The following SNX7 variants were observed in gnomAD, a reference collection of about 807,000 sequenced individuals.
The protein encoded by SNX7 is sorting nexin 7.
In SNX7, 35 loss-of-function variants were observed where a neutral mutation model predicts 48.4. That is an observed-to-expected ratio of 0.72 (90% CI 0.55 to 0.96). SNX7 has a LOEUF of 0.96. Ranked by LOEUF, SNX7 falls within the 40% of genes least tolerant of loss-of-function variation. The pLI is 0.00. For synonymous variants in SNX7, 190 were observed against 190.2 expected (o/e 1.00, Z 0.01); for missense variants, 553 against 548.9 (o/e 1.01, Z -0.07).
chr1:98,747,154 C>A (rs1276810214), intron 8 of SNX7, among the ~76,000 whole-genome samples: 1 of 152,056 alleles, frequency 6.6e-6, no homozygotes, highest in Non-Finnish European at 1.5e-5. Context: ...TCTCAGAGTA[C>A]TTTATGTGCT....
chr1:98,673,614 C>G (rs1649996571), intron 1 of SNX7, among the ~76,000 whole-genome samples: 1 of 152,318 alleles, frequency 6.6e-6, no homozygotes, highest in East Asian at 1.9e-4. Context: ...GTGCCTGACA[C>G]CTGGGTGACA....
chr1:98,722,828 A>G (rs1352458423), intron 7 of SNX7, among the ~76,000 whole-genome samples: 1 of 152,144 alleles, frequency 6.6e-6, no homozygotes, highest in Non-Finnish European at 1.5e-5. Flanking sequence ...TCATCCTCAA[A>G]TTTTATTATT....
At position 98,686,100 on chromosome 1, in the gene SNX7, G is replaced by C. The variant is rs567462631; in HGVS notation, c.363+1033G>C. 4.6e-5 allele frequency among the ~76,000 whole-genome samples: 7 copies of C among 152,136 alleles called. No homozygotes were observed. The East Asian group carries it at 1.2e-3, about 25-fold the overall frequency. Reference sequence around the variant, plus strand: ...ATATAGTTTTCCTTCTGTTTGCTGTGTCCATCCCCTTCTTAGACAGAAGAA... The same window carrying C: ...ATATAGTTTTCCTTCTGTTTGCTGTCTCCATCCCCTTCTTAGACAGAAGAA... On this transcript the variant is annotated intron_variant, in intron 2 of 8. Coordinates refer to ENST00000306121, the MANE Select transcript of SNX7 (RefSeq NM_015976.5).
At chr1:98,740,946 A>G (rs990450696) in intron 8 of SNX7, among the ~76,000 whole-genome samples, 1 of 152,154 alleles carries the variant, frequency 6.6e-6, no homozygotes, top group Non-Finnish European at 1.5e-5. Context: ...AAAACTTTTA[A>G]CAGATTTGGC....
chr1:98,698,971 T>G, intron 6 of SNX7, 66 bp downstream of exon 6: 1 of 1,474,886 alleles, frequency 6.8e-7, no homozygotes, highest in Non-Finnish European at 9.4e-7. Context: ...TAAAGGCAAC[T>G]GTATTTCTTT....
At chr1:98,682,420 C>T (rs983657526) in intron 1 of SNX7, among the ~76,000 whole-genome samples, 2 of 151,932 alleles carry the variant, frequency 1.3e-5, no homozygotes, top group African/African-American at 4.8e-5. Context: ...TTGGCATATT[C>T]TCTTATTTTG....
intron 4 of SNX7, among the ~76,000 whole-genome samples, chr1:98,693,965 T>C (rs1361546006): frequency 1.3e-5 from 2 of 152,232 alleles, no homozygotes; most frequent in African/African-American, 4.8e-5. Context: ...GCCATACTTC[T>C]CAAGGGATAT....
rs552237446 is a variant in SNX7, at chr1:98,746,435, T to C, written c.1278+8046T>C. Among the ~76,000 whole-genome samples the C allele has an allele frequency of 3.1e-4, 47 of 152,216 alleles. 1 individual carries two copies. In the South Asian group the frequency reaches 5.4e-3, roughly 17 times the overall value. ...GGTTGGCAATGCATCTTAGCCTGTT[T>C]TAAGTTTCTAAGAAATTCTTAGGAA... On this transcript the variant is annotated intron_variant, in intron 8 of 8. Coordinates refer to ENST00000306121, the MANE Select transcript of SNX7 (RefSeq NM_015976.5).
At chr1:98,681,596 A>G (rs1488871669) in intron 1 of SNX7, among the ~76,000 whole-genome samples, 1 of 152,222 alleles carries the variant, frequency 6.6e-6, no homozygotes, top group Non-Finnish European at 1.5e-5. Context: ...GAAAGGAAAC[A>G]TTGCCTATAA....
chr1:98,663,054 G>C (rs1397917836), intron 1 of SNX7, among the ~76,000 whole-genome samples: 1 of 152,160 alleles, frequency 6.6e-6, no homozygotes, highest in Non-Finnish European at 1.5e-5. Context: ...ATGTTTAGTT[G>C]TAAACTCTGC....
At chr1:98,703,131 C>A (rs1651837699) in intron 7 of SNX7, among the ~76,000 whole-genome samples, 1 of 152,004 alleles carries the variant, frequency 6.6e-6, no homozygotes, top group African/African-American at 2.4e-5. Flanking sequence ...CTGGAGTGCT[C>A]CCAGGCCCTT....
At chr1:98,740,878 GT>G (rs770150757) in intron 8 of SNX7, among the ~76,000 whole-genome samples, 251 of 152,094 alleles carry the variant, frequency 1.7e-3, no homozygotes, top group Non-Finnish European at 3.0e-3. Flanking sequence ...TTTCTCTTTT[GT>G]ATAACTTCCA....
intron 7 of SNX7, among the ~76,000 whole-genome samples, chr1:98,733,140 A>G (rs1423469981): frequency 1.3e-5 from 2 of 152,152 alleles, no homozygotes; most frequent in East Asian, 1.9e-4. Flanking sequence ...GAATGTTTAT[A>G]TAACAGTGTC....
At chr1:98,691,470 G>T (rs191932954) in intron 3 of SNX7, 65 bp from the exon 4 acceptor site, 2 of 1,336,882 alleles carry the variant, frequency 1.5e-6, no homozygotes, top group Non-Finnish European at 2.0e-6. Flanking sequence ...CAGGGAAAGC[G>T]TAGAATTGCT....
At chr1:98,727,634 A>G (rs1653257324) in intron 7 of SNX7, among the ~76,000 whole-genome samples, 1 of 152,116 alleles carries the variant, frequency 6.6e-6, no homozygotes, top group Non-Finnish European at 1.5e-5. Context: ...ACCATGATGA[A>G]ACATTACAGG....
chr1:98,662,045 C>T (rs1196437436), intron 1 of SNX7, 134 bp downstream of exon 1: 2 of 1,007,500 alleles, frequency 2.0e-6, no homozygotes, highest in East Asian at 3.3e-5. Context: ...AGTGAGGTCC[C>T]CCGGGCTGCT....
intron 8 of SNX7, among the ~76,000 whole-genome samples, chr1:98,746,576 G>C (rs1483565787): frequency 1.3e-5 from 2 of 152,216 alleles, no homozygotes; most frequent in Admixed American, 1.3e-4. Flanking sequence ...ACACATGATA[G>C]AGATATAAGA....
rs139321749 is a variant in SNX7, at chr1:98,714,774, G to A, written c.1125+12871G>A. On this transcript the variant is annotated intron_variant, in intron 7 of 8. Transcript: ENST00000306121. Reference sequence around the variant, plus strand: ...CTAGAATATGAAGGACAGAGGCGCAGCACTATGGCATGAGGACTGAAAGCG... The same window carrying A: ...CTAGAATATGAAGGACAGAGGCGCAACACTATGGCATGAGGACTGAAAGCG... 3.6e-3 allele frequency among the ~76,000 whole-genome samples: 552 copies of A among 152,298 alleles called. 4 individuals are homozygous for A. The highest frequency in any genetic ancestry group is 0.012 in the African/African-American group (516 of 41,566).
At chr1:98,725,817 A>G (rs1325781924) in intron 7 of SNX7, among the ~76,000 whole-genome samples, 1 of 152,138 alleles carries the variant, frequency 6.6e-6, no homozygotes, top group African/African-American at 2.4e-5. Flanking sequence ...AATAGAGGTA[A>G]TTTCTGGGCT....
Sources: gnomAD v4.1 joint callset for allele counts (sites outside exome capture counted in the v4.1 genomes callset) on GRCh38, gnomAD v4.1.1 for gene constraint, MANE v1.5 for transcripts, NCBI Gene and HGNC (gene_info 2026-07-23, HGNC 2026-07-21) for gene names.